RNASET2: variants seen among roughly 807,000 people sequenced by gnomAD.
RNASET2 encodes the protein ribonuclease 6.
In RNASET2, 28 loss-of-function variants were observed where a neutral mutation model predicts 33.9. That is an observed-to-expected ratio of 0.83 (90% confidence interval 0.61 to 1.13). The LOEUF (loss-of-function observed/expected upper bound fraction) is 1.13. Ranked by LOEUF, RNASET2 falls within the 50% of genes most tolerant of loss-of-function variation. RNASET2 has a pLI of 0.00. For synonymous variants in RNASET2, 123 were observed against 121.0 expected, an observed-to-expected ratio of 1.02 and a Z score of -0.11; for missense variants, 330 against 319.9, an observed-to-expected ratio of 1.03 and a Z score of -0.24.
intron 1 of RNASET2, chr6:166,952,916 C>A: frequency 3.7e-6 from 1 of 273,894 alleles, no homozygotes; most frequent in East Asian, 8.6e-5. Flanking sequence ...TGCAGACCCA[C>A]GATCCCTCCC....
At chr6:166,935,837 C>A (rs1003859165) in intron 6 of RNASET2, among the ~76,000 whole-genome samples, 8 of 152,148 alleles carry the variant, frequency 5.3e-5, no homozygotes, top group Non-Finnish European at 1.2e-4. Context: ...CCATGCCCAG[C>A]TAATTTTTGT....
chr6:166,931,239 C>G, intron 7 of RNASET2, 121 bp from the exon 8 acceptor site: 2 of 777,446 alleles, frequency 2.6e-6, no homozygotes, highest in Non-Finnish European at 4.6e-6. Context: ...AGGGACAGGA[C>G]CCAGCACAGG....
chr6:166,944,944 AC>A (rs1778793484), intron 4 of RNASET2, among the ~76,000 whole-genome samples: 1 of 97,592 alleles, frequency 1.0e-5, no homozygotes, highest in Non-Finnish European at 2.1e-5. Flanking sequence ...CCACGTCCAC[AC>A]CTGTCAGCCC....
intron 4 of RNASET2, chr6:166,943,576 T>A (rs1466629351): frequency 9.1e-6 from 3 of 329,742 alleles, no homozygotes; most frequent in Non-Finnish European, 1.8e-5. Flanking sequence ...GCTCAGGGGG[T>A]TTAGGGCCAG....
At chr6:166,949,269 G>C (rs7752309) in intron 2 of RNASET2, among the ~76,000 whole-genome samples, 6 of 149,644 alleles carry the variant, frequency 4.0e-5, no homozygotes, top group African/African-American at 1.2e-4. Flanking sequence ...TTTGGGAGGC[G>C]GAGGTGGGCA....
intron 3 of RNASET2, 194 bp downstream of exon 3, chr6:166,948,376 A>G: frequency 1.5e-6 from 1 of 668,786 alleles, no homozygotes; most frequent in Non-Finnish European, 2.7e-6. Context: ...TTATTGTTCT[A>G]TGAAGACAGA....
At position 166,928,444 on chromosome 6, in the gene RNASET2, G is replaced by GTTT. The variant is rs67709006; in HGVS notation, c.*1141_*1143dup. On this transcript the variant is annotated 3_prime_UTR_variant, in exon 9 of 9. Coordinates refer to ENST00000508775, the MANE Select transcript of RNASET2 (RefSeq NM_003730.6). The stretch of plus-strand genomic sequence containing the variant: ...AATATTCACAGGCATTGATACAGCT[G>GTTT]TTTTTTTTTTTTTTGTAAATTATGC... Among the ~76,000 whole-genome samples the GTTT allele has an allele frequency of 2.3e-4, 34 of 144,706 alleles. 2 individuals carry two copies. The highest frequency in any genetic ancestry group is 1.4e-3 in the East Asian group (7 of 5,028). 94.9% of individuals were successfully genotyped at this position (144,706 alleles called of 152,430 possible). A position where few individuals can be genotyped will look rare whatever the true frequency, so the allele number is the denominator to read the frequency against.
In RNASET2 at chr6:166,931,035, C is replaced by G. The variant is rs1778424595; in HGVS notation, c.567+9G>C. 1 of 1,597,362 alleles carries G rather than the reference C, an allele frequency of 6.3e-7. No individual in the cohort carries two copies. ...AGAAAAAAAGGAAGACAAAACATAA[C>G]TGTCTAACCTGGCTTGGTGGAAGGC... On this transcript the variant is annotated intron_variant, in intron 8 of 8. Transcript: ENST00000508775.
intron 5 of RNASET2, 65 bp from the exon 6 acceptor site, chr6:166,939,073 C>A (rs1490380110): frequency 5.1e-6 from 6 of 1,168,116 alleles, no homozygotes; most frequent in Non-Finnish European, 7.6e-6. Context: ...GTGGCTCATG[C>A]CTGTAATCCC....
chr6:166,934,912 G>T (rs1024540799), intron 6 of RNASET2: 2 of 152,112 alleles, frequency 1.3e-5, no homozygotes, highest in African/African-American at 2.4e-5. Flanking sequence ...ACCATATATA[G>T]AATTCACTTA....
chr6:166,953,459 G>A (rs1446962046), intron 1 of RNASET2: 1 of 152,232 alleles, frequency 6.6e-6, no homozygotes, highest in African/African-American at 2.4e-5. Context: ...AAGATTCCAA[G>A]TAAGAAGATC....
intron 4 of RNASET2, chr6:166,943,385 A>G: frequency 2.7e-6 from 1 of 365,800 alleles, no homozygotes. Flanking sequence ...TGAGCCGTCG[A>G]GTCATGAAAA....
At chr6:166,940,436 C>A (rs776499809) in intron 5 of RNASET2, among the ~76,000 whole-genome samples, 2 of 152,030 alleles carry the variant, frequency 1.3e-5, no homozygotes, top group Non-Finnish European at 2.9e-5. Context: ...CATCTAGAAG[C>A]CTTTCCAGAG....
In RNASET2 at chr6:166,956,245, C is replaced by T. The variant is rs1779163931; in HGVS notation, c.-63G>A. 9 of 1,416,992 alleles carry T rather than the reference C, an allele frequency of 6.4e-6. No individual in the cohort carries two copies. The highest frequency in any genetic ancestry group is 8.8e-6 in the Non-Finnish European group (9 of 1,026,806). 87.8% of individuals were successfully genotyped at this position (1,416,992 alleles called of 1,614,324 possible). On this transcript the variant is annotated 5_prime_UTR_variant, in exon 1 of 9. Coordinates refer to ENST00000508775, the MANE Select transcript of RNASET2 (RefSeq NM_003730.6). The stretch of plus-strand genomic sequence containing the variant: ...TCCGGCTCCCACTTCCCACCTGCTG[C>T]CCGAGGAAGACTTCCGGGAGAAACG...
chr6:166,930,664 T>G (rs935616717), intron 8 of RNASET2, among the ~76,000 whole-genome samples: 1 of 142,920 alleles, frequency 7.0e-6, no homozygotes, highest in African/African-American at 2.7e-5. Context: ...ACACAGCACA[T>G]GCGCACATGT....
rs138200970 is a variant in RNASET2, at chr6:166,923,373, G to A, written c.*6215C>T. ...TGAGTAGCTGGGATTGCAGACACCC[G>A]CCACCACACCCAGCTAATGTATTTT... On this transcript the variant is annotated 3_prime_UTR_variant, in exon 9 of 9. Coordinates refer to ENST00000508775, the MANE Select transcript of RNASET2 (RefSeq NM_003730.6). Among the ~76,000 whole-genome samples the A allele has an allele frequency of 2.2e-3, 341 of 151,586 alleles. 10 individuals are homozygous for A. The East Asian group carries it at 0.033, about 15-fold the overall frequency.
At chr6:166,930,380 T>A (rs764277032) in intron 8 of RNASET2, among the ~76,000 whole-genome samples, 2 of 150,896 alleles carry the variant, frequency 1.3e-5, no homozygotes, top group Non-Finnish European at 2.9e-5. Context: ...TGTGCACACA[T>A]ACACACAGTA....
chr6:166,936,114 T>G (rs1253992358), intron 6 of RNASET2, among the ~76,000 whole-genome samples: 1 of 152,284 alleles, frequency 6.6e-6, no homozygotes, highest in East Asian at 1.9e-4. Context: ...CTAAGAATTA[T>G]AGATTTCCCT....
chr6:166,942,905 G>A, intron 5 of RNASET2, 114 bp downstream of exon 5: 1 of 862,296 alleles, frequency 1.2e-6, no homozygotes, highest in Non-Finnish European at 1.9e-6. Flanking sequence ...CTCAGCCCCA[G>A]AAGACAGATT....
Sources: allele counts gnomAD v4.1 joint callset (sites outside exome capture counted in the v4.1 genomes callset), GRCh38; gene constraint gnomAD v4.1.1; transcripts MANE v1.5; gene names NCBI Gene and HGNC (gene_info 2026-07-23, HGNC 2026-07-21).